The following PITPNC1 variants were observed in gnomAD, a reference collection of about 807,000 sequenced individuals.
PITPNC1 encodes cytoplasmic phosphatidylinositol transfer protein 1.
In PITPNC1, 18 loss-of-function variants were observed where a neutral mutation model predicts 44.7. That is an observed-to-expected ratio of 0.40 (90% CI 0.28 to 0.60). PITPNC1 has a LOEUF of 0.60. PITPNC1 is among the 20% of genes least tolerant of loss of function. The pLI is 0.39. For synonymous variants in PITPNC1, 141 were observed against 149.6 expected (o/e 0.94, Z 0.42); for missense variants, 290 against 418.4 (o/e 0.69, Z 2.68).
At position 67,678,252 on chromosome 17, in the gene PITPNC1, G is replaced by C. The variant is rs1038074787; in HGVS notation, c.682+2710G>C. Among the ~76,000 whole-genome samples the C allele has an allele frequency of 2.0e-5, 3 of 151,630 alleles. No individual in the cohort carries two copies. In the East Asian group the frequency reaches 5.8e-4, roughly 29 times the overall value. ...AAAAAGAATTCTGGGATTACAACAG[G>C]AGCCCAAGGCTAGAATAATGTATCA... On this transcript the variant is annotated intron_variant, in intron 8 of 8. Transcript: ENST00000581322.
intron 5 of PITPNC1, among the ~76,000 whole-genome samples, chr17:67,582,704 A>C (rs928414039): frequency 3.3e-5 from 5 of 152,220 alleles, no homozygotes; most frequent in African/African-American, 1.2e-4. Context: ...TGCAATGGGG[A>C]AGTTGTCTTA....
intron 4 of PITPNC1, among the ~76,000 whole-genome samples, chr17:67,555,689 AAAAAG>A (rs570623468): frequency 0.22 from 32,325 of 146,228 alleles, 4,296 homozygotes; most frequent in Non-Finnish European, 0.29. Context: ...AAAAAAAAAA[AAAAAG>A]GTAGTTGGGT....
intron 1 of PITPNC1, among the ~76,000 whole-genome samples, chr17:67,440,445 T>C (rs1415286871): frequency 2.0e-5 from 3 of 152,106 alleles, no homozygotes; most frequent in Non-Finnish European, 4.4e-5. Context: ...GGCAAATTAC[T>C]CAACCTCTGT....
At chr17:67,378,957 C>T in intron 1 of PITPNC1, 1 of 984,912 alleles carries the variant, frequency 1.0e-6, no homozygotes, top group Non-Finnish European at 1.2e-6. Flanking sequence ...GGGCGCGGGG[C>T]GGGGGCTCGT....
In PITPNC1 at chr17:67,378,315, C is replaced by T. The variant is rs1442917552; in HGVS notation, c.48+113C>T. 5 of 613,242 alleles carry T rather than the reference C, an allele frequency of 8.2e-6. No individual in the cohort carries two copies. In the South Asian group the frequency reaches 1.0e-4, roughly 13 times the overall value. 38.0% of individuals were successfully genotyped at this position (613,242 alleles called of 1,614,324 possible). A position where few individuals can be genotyped will look rare whatever the true frequency, so the allele number is the denominator to read the frequency against. ...CAGGAAACCCAGGTGGACGTTACCC[C>T]GCAAACCCGAAGCCTGGAGGAGAGG... On this transcript the variant is annotated intron_variant, in intron 1 of 8. Transcript: ENST00000581322.
intron 8 of PITPNC1, among the ~76,000 whole-genome samples, chr17:67,690,397 G>A (rs1002004867): frequency 8.9e-5 from 13 of 145,468 alleles, no homozygotes; most frequent in Admixed American, 2.9e-4. Flanking sequence ...GCAGTGAGCC[G>A]AGATCTCGCC....
At position 67,419,983 on chromosome 17, in the gene PITPNC1, A is replaced by G. The variant is rs1478454719; in HGVS notation, c.48+41781A>G. Among the ~76,000 whole-genome samples, 4 of 152,196 alleles carry G rather than the reference A, an allele frequency of 2.6e-5. 1 individual carries two copies. The highest frequency in any genetic ancestry group is 1.9e-4 in the East Asian group (1 of 5,184). On this transcript the variant is annotated intron_variant, in intron 1 of 8. Coordinates refer to ENST00000581322, the MANE Select transcript of PITPNC1 (RefSeq NM_012417.4). ...GTTTCAAAACCATCCACATCTGTCT[A>G]TCCATCCGTAAAGCACAAAGTTATC...
intron 4 of PITPNC1, among the ~76,000 whole-genome samples, chr17:67,575,688 A>G (rs2041131308): frequency 1.3e-5 from 2 of 152,086 alleles, no homozygotes; most frequent in South Asian, 4.2e-4. Context: ...CTCAGCATAC[A>G]CTGGAGGGCT....
intron 8 of PITPNC1, among the ~76,000 whole-genome samples, chr17:67,683,793 C>T (rs1208290806): frequency 1.3e-5 from 2 of 151,464 alleles, no homozygotes; most frequent in Non-Finnish European, 2.9e-5. Flanking sequence ...GCCTGACCAA[C>T]ATGGTGACAC....
At chr17:67,497,759 C>T (rs1209100413) in intron 1 of PITPNC1, among the ~76,000 whole-genome samples, 1 of 151,950 alleles carries the variant, frequency 6.6e-6, no homozygotes, top group East Asian at 1.9e-4. Flanking sequence ...AACTCCTGCA[C>T]TCAAGCAGTC....
chr17:67,475,731 A>C (rs2039616906), intron 1 of PITPNC1, among the ~76,000 whole-genome samples: 1 of 152,184 alleles, frequency 6.6e-6, no homozygotes, highest in East Asian at 1.9e-4. Context: ...AGGGGAGGGA[A>C]TGCGTGTTTG....
rs542357536 is a variant in PITPNC1 at position 67,656,583 on chromosome 17, A to AG, written c.463-12924dup. On this transcript the variant is annotated intron_variant, in intron 6 of 8. Coordinates refer to ENST00000581322, the MANE Select transcript of PITPNC1 (RefSeq NM_012417.4). ...GGGGAGGATTTATTTAACCCACAGC[A>AG]GACATCTTGCACTCTGTTTTCTGAT... Among the ~76,000 whole-genome samples, 258 of 152,286 alleles carry AG rather than the reference A, an allele frequency of 1.7e-3. 1 individual carries two copies. Among genetic ancestry groups the AG allele is most frequent in the African/African-American group, 6.0e-3 (251 of 41,548 alleles).
At chr17:67,413,237 A>AT (rs944384565) in intron 1 of PITPNC1, among the ~76,000 whole-genome samples, 9 of 152,184 alleles carry the variant, frequency 5.9e-5, no homozygotes, top group African/African-American at 2.2e-4. Context: ...AAGAATTTGT[A>AT]TTTTTAGCAA....
Position 67,532,977 on chromosome 17 carries a change from A to C in PITPNC1, c.197+27A>C, listed in dbSNP as rs571761710. On this transcript the variant is annotated intron_variant, in intron 2 of 8. Transcript: ENST00000581322. Reference sequence around the variant, plus strand: ...TGAGTCATGGCAGCCTGCGTTCTGCACAGAAGCCCCCTCCCACCTGACCCC... The same window carrying C: ...TGAGTCATGGCAGCCTGCGTTCTGCCCAGAAGCCCCCTCCCACCTGACCCC... 2.6e-5 allele frequency: 42 copies of C among 1,586,944 alleles called. No individual in the cohort carries two copies. In the African/African-American group the frequency reaches 5.1e-4, roughly 19 times the overall value.
At chr17:67,661,025 A>ATTT (rs34870441) in intron 6 of PITPNC1, among the ~76,000 whole-genome samples, 6 of 128,766 alleles carry the variant, frequency 4.7e-5, no homozygotes, top group Non-Finnish European at 8.2e-5. Context: ...CGCCCAGCTA[A>ATTT]TTTTTTTTTT....
At chr17:67,386,629 G>T (rs1342687471) in intron 1 of PITPNC1, among the ~76,000 whole-genome samples, 1 of 152,186 alleles carries the variant, frequency 6.6e-6, no homozygotes, top group Non-Finnish European at 1.5e-5. Flanking sequence ...ATGCACAAAG[G>T]CAGTAAATGT....
At chr17:67,685,882 G>A (rs966907447) in intron 8 of PITPNC1, among the ~76,000 whole-genome samples, 3 of 152,054 alleles carry the variant, frequency 2.0e-5, no homozygotes, top group African/African-American at 7.2e-5. Context: ...CCAGGCTGGA[G>A]TGCAGTGGTG....
chr17:67,584,249 C>G (rs1282966242), intron 5 of PITPNC1, among the ~76,000 whole-genome samples: 1 of 152,066 alleles, frequency 6.6e-6, no homozygotes, highest in Admixed American at 6.6e-5. Flanking sequence ...ATAAAAAGAC[C>G]TGGGTAACAT....
chr17:67,583,897 T>TGTGTGTGTGTGTGTG (rs1568052082), intron 5 of PITPNC1, among the ~76,000 whole-genome samples: 54 of 106,450 alleles, frequency 5.1e-4, no homozygotes, highest in African/African-American at 1.8e-3. Context: ...GTGTGTGTGT[T>TGTGTGTGTGTGTGTG]TGTGTGTGTG....
Sources: gnomAD v4.1 joint callset for allele counts (sites outside exome capture counted in the v4.1 genomes callset) on GRCh38, gnomAD v4.1.1 for gene constraint, MANE v1.5 for transcripts, NCBI Gene and HGNC (gene_info 2026-07-23, HGNC 2026-07-21) for gene names.